Variants in ATCAY observed in about 807,000 individuals in gnomAD.
The protein encoded by ATCAY is ATCAY kinesin light chain interacting caytaxin, also known as caytaxin.
In ATCAY, 22 loss-of-function variants were observed where a neutral mutation model predicts 47.7. That is an observed-to-expected ratio of 0.46 (90% CI 0.33 to 0.66). ATCAY has a LOEUF of 0.66. Ranked by LOEUF, ATCAY falls within the 30% of genes least tolerant of loss-of-function variation. The probability of loss-of-function intolerance (pLI) is 0.02; values close to 1 mark genes in which losing one functional copy is unlikely to be tolerated. For synonymous variants in ATCAY, 216 were observed against 207.6 expected, an observed-to-expected ratio of 1.04 and a Z score of -0.35; for missense variants, 452 against 515.0, an observed-to-expected ratio of 0.88 and a Z score of 1.18.
chr19:3,888,933 T>A (rs893659156), intron 2 of ATCAY, among the ~76,000 whole-genome samples: 4 of 151,980 alleles, frequency 2.6e-5, no homozygotes, highest in African/African-American at 9.7e-5. Context: ...CCTGTCTGTG[T>A]TTCTTTGCAG....
At chr19:3,897,290 T>A (rs977201067) in intron 2 of ATCAY, among the ~76,000 whole-genome samples, 3 of 145,880 alleles carry the variant, frequency 2.1e-5, no homozygotes, top group African/African-American at 5.1e-5. Context: ...TATAGCAAAA[T>A]CTATATCTAT....
In ATCAY at chr19:3,905,378, G is replaced by A. The variant is rs917266568; in HGVS notation, c.137-56G>A. On this transcript the variant is annotated intron_variant, in intron 3 of 12. Transcript: ENST00000450849. ...AGCTTCCACCAGGTAGGAAAATGGG[G>A]GGAAGGTAAAAGAGAGAAAGCAAAG... 6.8e-6 allele frequency: 10 copies of A among 1,481,434 alleles called. No individual in the cohort carries two copies. In the Admixed American group the frequency reaches 1.5e-4, roughly 22 times the overall value. 91.8% of individuals were successfully genotyped at this position (1,481,434 alleles called of 1,614,324 possible). A position where few individuals can be genotyped will look rare whatever the true frequency, so the allele number is the denominator to read the frequency against.
chr19:3,887,659 TG>T (rs2038671866), intron 2 of ATCAY, among the ~76,000 whole-genome samples: 1 of 150,636 alleles, frequency 6.6e-6, no homozygotes, highest in Non-Finnish European at 1.5e-5. Context: ...GCTAATTTTT[TG>T]TATTTTTAGT....
intron 4 of ATCAY, among the ~76,000 whole-genome samples, chr19:3,906,785 G>C (rs767192270): frequency 2.0e-5 from 3 of 152,046 alleles, no homozygotes; most frequent in Non-Finnish European, 2.9e-5. Flanking sequence ...TATATGGCAG[G>C]GCTATGATAA....
rs768716319 is a variant in ATCAY at position 3,905,527 on chromosome 19, G to C, written c.230G>C (p.Gly77Ala). 6.2e-7 allele frequency: 1 copy of C among 1,613,944 alleles called. No homozygotes were observed. Among genetic ancestry groups the C allele is most frequent in the African/African-American group, 1.3e-5 (1 of 75,042 alleles). Residue 77 changes from glycine to alanine, a missense_variant, in exon 4 of 13, where the codon GGG becomes GCG. By Grantham distance (60) the Gly-to-Ala change is moderately conservative. Transcript: ENST00000450849. ...AACATTTCTCTGGATCAGAGTGAGG[G>C]GTCCCTGCTGTCCGATGACTTCTTG... ...EINISLDQSE[G>A]SLLSDDFLDT...
At position 3,885,763 on chromosome 19, in the gene ATCAY, C is replaced by A. The variant is rs1487903079; in HGVS notation, c.-5C>A. On this transcript the variant is annotated 5_prime_UTR_variant, in exon 2 of 13. Transcript: ENST00000450849. ...GCTTCAAGCCAGTGCCTCTTCCCAG[C>A]TCCCATGGGGACCACCGAAGCCACG... 2 of 1,550,552 alleles carry A rather than the reference C, an allele frequency of 1.3e-6. No homozygotes were observed. The highest frequency in any genetic ancestry group is 2.4e-5 in the East Asian group (1 of 40,876).
At chr19:3,895,344 A>G (rs1056026147) in intron 2 of ATCAY, 2 of 411,798 alleles carry the variant, frequency 4.9e-6, no homozygotes, top group Non-Finnish European at 9.7e-6. Flanking sequence ...CCTCCTGAGT[A>G]GCTGGGGTTA....
intron 11 of ATCAY, chr19:3,920,171 CCAT>C (rs1273723759): frequency 6.6e-6 from 1 of 152,086 alleles, no homozygotes; most frequent in Non-Finnish European, 1.5e-5. Flanking sequence ...TATTGAGACT[CCAT>C]CTCTACAAAA....
rs745819719 is a variant in ATCAY, at chr19:3,907,849, C to A, written c.474C>A (p.Ile158=). Residue 158 remains isoleucine (I), a synonymous_variant, in exon 5 of 13, where the codon ATC becomes ATA. Coordinates refer to ENST00000450849, the MANE Select transcript of ATCAY (RefSeq NM_033064.5). This position sits in a 1 kb window ranked among gnomAD's most constrained non-coding sequence, Gnocchi z 5.1. ...ACGGGCGCCTGTGGCGGACAGTGAT[C>A]ATCGGGGAGCAAGAGCACCGTATAG... ...AANGRLWRTV[I]IGEQEHRIDL... The A allele has an allele frequency of 6.8e-6, 11 of 1,613,960 alleles. No individual in the cohort carries two copies. The highest frequency in any genetic ancestry group is 5.0e-5 in the Admixed American group (3 of 60,012).
intron 2 of ATCAY, among the ~76,000 whole-genome samples, chr19:3,890,130 G>A (rs907950693): frequency 9.3e-5 from 14 of 151,122 alleles, no homozygotes; most frequent in African/African-American, 3.4e-4. Context: ...TTTTAGTAGA[G>A]ACGAGGTTTC....
chr19:3,899,060 A>T (rs2038792628), intron 2 of ATCAY, among the ~76,000 whole-genome samples: 1 of 152,108 alleles, frequency 6.6e-6, no homozygotes, highest in Admixed American at 6.6e-5. Flanking sequence ...GTGTGAACAG[A>T]TGTTTTCATT....
chr19:3,882,173 TG>T (rs2038608013), intron 1 of ATCAY, among the ~76,000 whole-genome samples: 1 of 152,062 alleles, frequency 6.6e-6, no homozygotes. Flanking sequence ...CCATGAGAGT[TG>T]GGGGCCTTAG....
chr19:3,917,838 C>T lies in ATCAY; in HGVS notation c.1001+61C>T, dbSNP rs897223626. ...GGGCAGCGGGGGGCTGAGCTGAACTCTCAGTTAGGGCAACCCGGTGACTTC... is the reference window on the plus strand; with the variant it reads ...GGGCAGCGGGGGGCTGAGCTGAACTTTCAGTTAGGGCAACCCGGTGACTTC... On this transcript the variant is annotated intron_variant, in intron 10 of 12. Transcript: ENST00000450849. 2.5e-6 allele frequency: 4 copies of T among 1,577,308 alleles called. No homozygotes were observed. In the South Asian group the frequency reaches 4.6e-5, roughly 18 times the overall value.
At chr19:3,909,723 T>A in intron 7 of ATCAY, 106 bp downstream of exon 7, 1 of 1,465,456 alleles carries the variant, frequency 6.8e-7, no homozygotes, top group Non-Finnish European at 9.2e-7. Flanking sequence ...GAGGCTGAGG[T>A]GGGAAGGTCC....
chr19:3,918,702 G>T (rs1169956574), intron 10 of ATCAY, 104 bp from the exon 11 acceptor site: 2 of 1,217,858 alleles, frequency 1.6e-6, no homozygotes, highest in East Asian at 2.4e-5. Flanking sequence ...TGGAAAACAG[G>T]TCCCAGGGGA....
chr19:3,905,123 G>T (rs1229759480), intron 3 of ATCAY, among the ~76,000 whole-genome samples: 1 of 152,190 alleles, frequency 6.6e-6, no homozygotes, highest in East Asian at 1.9e-4. Context: ...CCTCCAAAGT[G>T]CTGGGATTAC....
At position 3,882,499 on chromosome 19, in the gene ATCAY, A is replaced by T. The variant is rs1599272023; in HGVS notation, c.-42+1491A>T. Among the ~76,000 whole-genome samples the T allele has an allele frequency of 2.2e-5, 3 of 133,818 alleles. No individual in the cohort carries two copies. In the South Asian group the frequency reaches 7.4e-4, roughly 33 times the overall value. 87.8% of individuals were successfully genotyped at this position (133,818 alleles called of 152,430 possible). Reference sequence around the variant, plus strand: ...ATCACCATGTTTGGTTAATTTTTGTATTTTTTTTTTTTTAAGAGATGGGGA... The same window carrying T: ...ATCACCATGTTTGGTTAATTTTTGTTTTTTTTTTTTTTTAAGAGATGGGGA... On this transcript the variant is annotated intron_variant, in intron 1 of 12. Coordinates refer to ENST00000450849, the MANE Select transcript of ATCAY (RefSeq NM_033064.5).
chr19:3,894,534 G>C (rs1178196789), intron 2 of ATCAY, among the ~76,000 whole-genome samples: 1 of 145,688 alleles, frequency 6.9e-6, no homozygotes, highest in Non-Finnish European at 1.5e-5. Flanking sequence ...TGTGCTGGTA[G>C]TCCCAGCTAC....
intron 9 of ATCAY, among the ~76,000 whole-genome samples, chr19:3,917,283 T>C (rs966214472): frequency 1.3e-5 from 2 of 150,758 alleles, no homozygotes; most frequent in African/African-American, 2.4e-5. Context: ...AATGAGAACC[T>C]GTCTAAAAAA....
Sources: gnomAD v4.1 joint callset for allele counts (sites outside exome capture counted in the v4.1 genomes callset) on GRCh38, gnomAD v4.1.1 for gene constraint, Gnocchi (gnomAD v3.1) non-coding constraint, MANE v1.5 for transcripts, NCBI Gene and HGNC (gene_info 2026-07-23, HGNC 2026-07-21) for gene names.